GPM6B: variants seen among roughly 807,000 people sequenced by gnomAD.
The protein encoded by GPM6B is glycoprotein M6B, also known as neuronal membrane glycoprotein M6-b.
Under a neutral mutation model 27.2 loss-of-function variants are expected in GPM6B, and 4 were observed. The observed-to-expected ratio is 0.15, with a 90% CI of 0.07 to 0.34. The LOEUF is 0.34. Ranked by LOEUF, GPM6B falls within the 10% of genes least tolerant of loss-of-function variation. GPM6B has a pLI of 1.00. For synonymous variants in GPM6B, 124 were observed against 103.1 expected (o/e 1.20, Z -1.23); for missense variants, 183 against 261.9 (o/e 0.70, Z 2.08).
chrX:13,826,483 T>C (rs1020988100), intron 1 of GPM6B, among the ~76,000 whole-genome samples: 2 of 111,114 alleles, frequency 1.8e-5, no homozygotes, highest in African/African-American at 3.3e-5. Flanking sequence ...AGGCAGAGGA[T>C]TGCTTGAGCC....
intron 1 of GPM6B, among the ~76,000 whole-genome samples, chrX:13,812,329 AG>A (rs200241335): frequency 0.036 from 4,031 of 111,720 alleles, 69 homozygotes; most frequent in Middle Eastern, 0.11. Context: ...GTGGGATTAC[AG>A]GCGTGAGCCA....
intron 6 of GPM6B, 53 bp downstream of exon 6, chrX:13,777,299 C>G (rs367662098): frequency 3.5e-6 from 3 of 867,760 alleles, no homozygotes; most frequent in Non-Finnish European, 1.7e-6. Flanking sequence ...CTGGGAGAAC[C>G]CTTTTTTCTC....
intron 1 of GPM6B, among the ~76,000 whole-genome samples, chrX:13,853,622 GAC>G (rs1461379936): frequency 1.2e-5 from 1 of 85,168 alleles, no homozygotes; most frequent in Admixed American, 1.3e-4. Flanking sequence ...AAGGGAAAAA[GAC>G]ACACGTGGAG....
chrX:13,931,366 T>C (rs1241127805), intron 1 of GPM6B, among the ~76,000 whole-genome samples: 2 of 109,135 alleles, frequency 1.8e-5, no homozygotes, highest in South Asian at 4.0e-4. Flanking sequence ...TGGGCGCCTG[T>C]AGTCCCAGCT....
chrX:13,872,450 G>A (rs780046591), intron 1 of GPM6B, among the ~76,000 whole-genome samples: 6 of 111,061 alleles, frequency 5.4e-5, no homozygotes, highest in African/African-American at 1.3e-4. Flanking sequence ...GATTACAGGC[G>A]TGAGCCACCA....
At chrX:13,871,630 G>C (rs1190696195) in intron 1 of GPM6B, among the ~76,000 whole-genome samples, 3 of 112,046 alleles carry the variant, frequency 2.7e-5, no homozygotes, top group Non-Finnish European at 5.6e-5. Context: ...TGAGATCCAG[G>C]TGTTTTGTAT....
intron 1 of GPM6B, among the ~76,000 whole-genome samples, chrX:13,920,810 G>A (rs1209632292): frequency 9.2e-6 from 1 of 108,776 alleles, no homozygotes; most frequent in Non-Finnish European, 1.9e-5. Context: ...AGAATGGTGT[G>A]AACCCCGGAG....
chrX:13,780,116 C>T (rs761453492), intron 4 of GPM6B, 127 bp from the exon 5 acceptor site: 47 of 487,710 alleles, frequency 9.6e-5, no homozygotes, highest in Non-Finnish European at 1.4e-4. Context: ...ACCCTCGCCC[C>T]GGCATTGGTA....
chrX:13,901,827 C>A (rs2050285311), intron 1 of GPM6B, among the ~76,000 whole-genome samples: 1 of 111,700 alleles, frequency 9.0e-6, no homozygotes, highest in Non-Finnish European at 1.9e-5. Context: ...AGGGAGCTTT[C>A]CCAACCAAGA....
intron 1 of GPM6B, among the ~76,000 whole-genome samples, chrX:13,823,172 C>T (rs1292908764): frequency 8.9e-6 from 1 of 112,363 alleles, no homozygotes; most frequent in African/African-American, 3.2e-5. Context: ...CTGCATAAAG[C>T]TAAGACTTGA....
intron 2 of GPM6B, among the ~76,000 whole-genome samples, chrX:13,799,348 G>T (rs1042289838): frequency 3.0e-4 from 31 of 104,642 alleles, no homozygotes; most frequent in African/African-American, 1.1e-3. Flanking sequence ...AAGTAGCTGG[G>T]ACTACAGGCA....
chrX:13,831,800 G>A (rs1440134434), intron 1 of GPM6B, among the ~76,000 whole-genome samples: 3 of 111,752 alleles, frequency 2.7e-5, no homozygotes, highest in Non-Finnish European at 5.6e-5. Context: ...ATTGCTAAGA[G>A]CAAAAAATGA....
intron 2 of GPM6B, among the ~76,000 whole-genome samples, chrX:13,800,973 A>G (rs1417625134): frequency 9.2e-6 from 1 of 109,064 alleles, no homozygotes; most frequent in East Asian, 2.8e-4. Flanking sequence ...CCATGCCCAT[A>G]TGAAATCTGA....
intron 1 of GPM6B, among the ~76,000 whole-genome samples, chrX:13,912,747 T>TG (rs1273389730): frequency 8.9e-6 from 1 of 112,344 alleles, no homozygotes; most frequent in African/African-American, 3.2e-5. Context: ...GTTGGAACAT[T>TG]GTAAGAAACT....
intron 1 of GPM6B, among the ~76,000 whole-genome samples, chrX:13,926,726 T>C: frequency 8.9e-6 from 1 of 112,078 alleles, no homozygotes; most frequent in East Asian, 2.8e-4. Context: ...TAGCTTTCTA[T>C]CTAAAACTAT....
At chrX:13,855,294 T>C (rs1486504723) in intron 1 of GPM6B, among the ~76,000 whole-genome samples, 2 of 112,554 alleles carry the variant, frequency 1.8e-5, no homozygotes, top group Non-Finnish European at 3.8e-5. Flanking sequence ...GTTGCGATTA[T>C]AGGCGTGAGC....
chrX:13,881,507 G>C (rs1160798887), intron 1 of GPM6B, among the ~76,000 whole-genome samples: 3 of 101,146 alleles, frequency 3.0e-5, no homozygotes, highest in Admixed American at 1.1e-4. Flanking sequence ...GCAAGACCCT[G>C]TCACCAAAAA....
At chrX:13,932,751 GAGTTTC>G (rs1315622226) in intron 1 of GPM6B, among the ~76,000 whole-genome samples, 3 of 111,818 alleles carry the variant, frequency 2.7e-5, no homozygotes, top group Non-Finnish European at 5.6e-5. Flanking sequence ...GGGCAATAAT[GAGTTTC>G]AGGGAAACAA....
At chrX:13,907,922 A>G (rs766617856) in intron 1 of GPM6B, among the ~76,000 whole-genome samples, 3 of 112,074 alleles carry the variant, frequency 2.7e-5, no homozygotes, top group African/African-American at 9.7e-5. Flanking sequence ...GAAAATAGGG[A>G]GAAGTCATTA....
Sources: gnomAD v4.1 joint callset for allele counts (sites outside exome capture counted in the v4.1 genomes callset) on GRCh38, gnomAD v4.1.1 for gene constraint, MANE v1.5 for transcripts, NCBI Gene and HGNC (gene_info 2026-07-23, HGNC 2026-07-21) for gene names.